PSMD14: variants seen among roughly 807,000 people sequenced by gnomAD.
PSMD14 encodes proteasome 26S subunit, non-ATPase 14, also known as ubiquitin C-terminal hydrolase PSMD14.
In PSMD14, 7 loss-of-function variants were observed where a neutral mutation model predicts 41.2. The ratio of observed to expected loss-of-function variants is 0.17; its 90% CI spans 0.10 to 0.32. The LOEUF (loss-of-function observed/expected upper bound fraction) is 0.32. Ranked by LOEUF, PSMD14 falls within the 10% of genes least tolerant of loss-of-function variation. The pLI, the probability that PSMD14 is intolerant of heterozygous loss-of-function variation, is 1.00. For synonymous variants in PSMD14, 114 were observed against 122.3 expected, an observed-to-expected ratio of 0.93 and a Z score of 0.45; for missense variants, 139 against 375.6, an observed-to-expected ratio of 0.37 and a Z score of 5.21.
intron 3 of PSMD14, among the ~76,000 whole-genome samples, chr2:161,326,750 A>C (rs991007773): frequency 1.3e-5 from 2 of 152,192 alleles, no homozygotes; most frequent in Non-Finnish European, 2.9e-5. Flanking sequence ...ATGATACCAA[A>C]ATCTATGGCT....
intron 8 of PSMD14, 64 bp downstream of exon 8, chr2:161,385,635 T>C: frequency 3.3e-6 from 3 of 904,318 alleles, no homozygotes; most frequent in Non-Finnish European, 5.1e-6. Flanking sequence ...CTATAAGTAG[T>C]CTTTTTAAGT....
At chr2:161,354,913 C>A (rs1301358023) in intron 3 of PSMD14, among the ~76,000 whole-genome samples, 1 of 152,136 alleles carries the variant, frequency 6.6e-6, no homozygotes, top group East Asian at 1.9e-4. Flanking sequence ...TTTTTATATT[C>A]TCAAAATACT....
intron 3 of PSMD14, among the ~76,000 whole-genome samples, chr2:161,319,388 T>G (rs1321151881): frequency 6.6e-6 from 1 of 152,098 alleles, no homozygotes; most frequent in Non-Finnish European, 1.5e-5. Flanking sequence ...ATAATCTTTT[T>G]AAAAAATAAA....
At chr2:161,395,272 T>C (rs1005250232) in intron 10 of PSMD14, 69 bp downstream of exon 10, 29 of 1,301,836 alleles carry the variant, frequency 2.2e-5, no homozygotes, top group Non-Finnish European at 3.0e-5. Flanking sequence ...CCAAGCATTG[T>C]GTAAGTAATT....
chr2:161,380,011 C>T (rs766732246), intron 7 of PSMD14, among the ~76,000 whole-genome samples: 5 of 152,102 alleles, frequency 3.3e-5, no homozygotes, highest in East Asian at 1.9e-4. Flanking sequence ...GTCAGTCATG[C>T]GCTCCACAGC....
chr2:161,333,428 C>T (rs1682823424), intron 3 of PSMD14, among the ~76,000 whole-genome samples: 1 of 152,184 alleles, frequency 6.6e-6, no homozygotes, highest in Non-Finnish European at 1.5e-5. Context: ...ACTTTTTGGA[C>T]AGTAGCATGG....
intron 3 of PSMD14, among the ~76,000 whole-genome samples, chr2:161,357,903 C>CTTTTTTTTTTT (rs11412874): frequency 6.8e-6 from 1 of 146,218 alleles, no homozygotes. Context: ...ACTTCCTGTT[C>CTTTTTTTTTTT]TTTTTTTTTT....
intron 1 of PSMD14, among the ~76,000 whole-genome samples, chr2:161,311,776 G>T (rs995236350): frequency 6.6e-6 from 1 of 151,520 alleles, no homozygotes; most frequent in Admixed American, 6.6e-5. Flanking sequence ...CATCACGCCC[G>T]GCTAGTTTTT....
At chr2:161,321,975 C>T (rs1275399233) in intron 3 of PSMD14, among the ~76,000 whole-genome samples, 2 of 152,146 alleles carry the variant, frequency 1.3e-5, no homozygotes, top group African/African-American at 4.8e-5. Flanking sequence ...TGATCAAACT[C>T]AAAATTCAAA....
At chr2:161,379,335 G>T (rs1177745578) in intron 7 of PSMD14, among the ~76,000 whole-genome samples, 1 of 151,874 alleles carries the variant, frequency 6.6e-6, no homozygotes, top group Non-Finnish European at 1.5e-5. Context: ...CTGTTTATTT[G>T]TCACTTGTGA....
In PSMD14 at chr2:161,378,233, C is replaced by T. The variant is rs1467862173; in HGVS notation, c.462+6911C>T. 5.9e-5 allele frequency among the ~76,000 whole-genome samples: 9 copies of T among 152,056 alleles called. No homozygotes were observed. The East Asian group carries it at 1.7e-3, about 30-fold the overall frequency. ...GCTGATTAATAGATGTTTACAGCCA[C>T]TTTTCACTTTCCATATAGCTTTACC... On this transcript the variant is annotated intron_variant, in intron 7 of 11. Coordinates refer to ENST00000409682, the MANE Select transcript of PSMD14 (RefSeq NM_005805.6).
rs1449325446 is a variant in PSMD14 at position 161,408,893 on chromosome 2, C to T, written c.828C>T (p.Gly276=). The stretch of plus-strand genomic sequence containing the variant: ...AACAGCTGGCAATAAAGAATGTTGG[C>T]AAGCAGGTGAGGTGTACTGTTAATA... The part of the protein sequence containing the change: ...TPEQLAIKNV[G]KQDPKRHLEE... The change falls in exon 11 of 12, where the codon GGC becomes GGT. Residue 276 remains glycine, a synonymous_variant. Coordinates refer to ENST00000409682, the MANE Select transcript of PSMD14 (RefSeq NM_005805.6). 3.1e-6 allele frequency: 5 copies of T among 1,601,068 alleles called. No individual in the cohort carries two copies. In the Admixed American group the frequency reaches 8.4e-5, roughly 27 times the overall value.
intron 11 of PSMD14, among the ~76,000 whole-genome samples, chr2:161,410,053 A>G (rs1455650069): frequency 1.3e-5 from 2 of 152,126 alleles, no homozygotes; most frequent in African/African-American, 4.8e-5. Context: ...TACAAAATGA[A>G]ACTGAAAAAT....
At chr2:161,378,668 A>G (rs1683534757) in intron 7 of PSMD14, among the ~76,000 whole-genome samples, 1 of 151,982 alleles carries the variant, frequency 6.6e-6, no homozygotes, top group Non-Finnish European at 1.5e-5. Flanking sequence ...CAGCTATTAT[A>G]ACAAACAGCT....
At chr2:161,390,609 A>G (rs923703950) in intron 8 of PSMD14, among the ~76,000 whole-genome samples, 2 of 152,202 alleles carry the variant, frequency 1.3e-5, no homozygotes, top group African/African-American at 4.8e-5. Flanking sequence ...GTAAAGACCA[A>G]AATCCACATA....
At position 161,365,267 on chromosome 2, in the gene PSMD14, C is replaced by CCT. The variant is rs1683343399; in HGVS notation, c.49-2203_49-2202dup. ...AAGGCCACTGACATGTGGCTTGCTT[C>CCT]CTCTCTCTCGAGGTAACTCTAGTTG... is the stretch of plus-strand genomic sequence containing the variant. On this transcript the variant is annotated intron_variant, in intron 3 of 11. Coordinates refer to ENST00000409682, the MANE Select transcript of PSMD14 (RefSeq NM_005805.6). Among the ~76,000 whole-genome samples, 8 of 152,280 alleles carry CCT rather than the reference C, an allele frequency of 5.3e-5. 1 individual carries two copies. In the South Asian group the frequency reaches 1.7e-3, roughly 32 times the overall value.
At position 161,360,366 on chromosome 2, in the gene PSMD14, G is replaced by GT. The variant is rs34061827; in HGVS notation, c.49-7097dup. Among the ~76,000 whole-genome samples the GT allele has an allele frequency of 7.0e-3, 926 of 131,488 alleles. 13 individuals are homozygous for GT. Among genetic ancestry groups the GT allele is most frequent in the Admixed American group, 0.039 (506 of 13,070 alleles). 86.3% of individuals were successfully genotyped at this position (131,488 alleles called of 152,430 possible). On this transcript the variant is annotated intron_variant, in intron 3 of 11. Coordinates refer to ENST00000409682, the MANE Select transcript of PSMD14 (RefSeq NM_005805.6). ...TGTGCCTGGCTGAGCCTTTCATATT[G>GT]TTTTTTTTTTTTTTTCACCCGCTCT...
intron 1 of PSMD14, chr2:161,308,865 A>G (rs1223788907): frequency 6.6e-6 from 1 of 152,190 alleles, no homozygotes; most frequent in Non-Finnish European, 1.5e-5. Flanking sequence ...ATCTATATAG[A>G]GAGAATCCTT....
rs889241803 is a variant in PSMD14, at chr2:161,387,520, AT to A, written c.570+1958del. On this transcript the variant is annotated intron_variant, in intron 8 of 11. Transcript: ENST00000409682. ...GTGGTCACTAATGATTTTCTAACAG[AT>A]TTTTTTTTACTCTTATACTTAGTAG... 2.6e-5 allele frequency among the ~76,000 whole-genome samples: 4 copies of A among 151,404 alleles called. No homozygotes were observed. In the East Asian group the frequency reaches 5.8e-4, roughly 22 times the overall value.
Sources: allele counts gnomAD v4.1 joint callset (sites outside exome capture counted in the v4.1 genomes callset), GRCh38; gene constraint gnomAD v4.1.1; transcripts MANE v1.5; gene names NCBI Gene and HGNC (gene_info 2026-07-23, HGNC 2026-07-21).